The following GLIS3 variants were observed in gnomAD, a reference collection of about 807,000 sequenced individuals.
GLIS3 encodes the protein GLIS family zinc finger 3.
Under a neutral mutation model 78.6 loss-of-function variants are expected in GLIS3, and 53 were observed. The ratio of observed to expected loss-of-function variants is 0.67; its 90% CI spans 0.54 to 0.85. The LOEUF (loss-of-function observed/expected upper bound fraction) is 0.85, where lower values mean the gene tolerates loss of function less well. Among genes scored for constraint, GLIS3 ranks in the 40% least tolerant of loss-of-function variants. GLIS3 has a pLI of 0.00. For synonymous variants in GLIS3, 684 were observed against 509.9 expected (o/e 1.34, Z -4.60); for missense variants, 1,703 against 1,231.1 (o/e 1.38, Z -5.74).
intron 9 of GLIS3, among the ~76,000 whole-genome samples, chr9:3,849,115 G>A (rs1431482533): frequency 6.6e-6 from 1 of 152,178 alleles, no homozygotes; most frequent in Non-Finnish European, 1.5e-5. Flanking sequence ...CTCTGTGTTG[G>A]CAACTGGAAA....
At chr9:3,998,790 TAATAA>T (rs1563933526) in intron 4 of GLIS3, among the ~76,000 whole-genome samples, 2 of 148,590 alleles carry the variant, frequency 1.3e-5, no homozygotes, top group Non-Finnish European at 3.0e-5. Context: ...AATAATATTT[TAATAA>T]AATAATATTT....
the GLIS3 span, among the ~76,000 whole-genome samples, chr9:4,393,048 A>G: frequency 6.6e-6 from 1 of 152,182 alleles, no homozygotes; most frequent in Non-Finnish European, 1.5e-5. Context: ...AATGACTTGC[A>G]TAATGGTGTG....
chr9:3,973,550 C>T (rs749998687), intron 4 of GLIS3, among the ~76,000 whole-genome samples: 13 of 152,072 alleles, frequency 8.5e-5, no homozygotes, highest in Admixed American at 3.9e-4. Context: ...TCTCTTTGGG[C>T]GAAGTCAAGT....
At chr9:4,431,809 A>AAC in the GLIS3 span, among the ~76,000 whole-genome samples, 1 of 146,788 alleles carries the variant, frequency 6.8e-6, no homozygotes, top group Non-Finnish European at 1.5e-5. Flanking sequence ...GCACCATTGC[A>AAC]CTCCAGCCTG....
intron 2 of GLIS3, among the ~76,000 whole-genome samples, chr9:4,283,098 TAC>T (rs5896058): frequency 0.97 from 144,172 of 149,106 alleles, 69,717 homozygotes; most frequent in South Asian, 0.99. Flanking sequence ...CACAAACACA[TAC>T]ACACACACAC....
chr9:4,370,372 A>G, the GLIS3 span, among the ~76,000 whole-genome samples: 1 of 152,006 alleles, frequency 6.6e-6, no homozygotes, highest in Non-Finnish European at 1.5e-5. Context: ...CCTGAGAGCC[A>G]TGGGGTGTTG....
chr9:4,165,839 AG>A (rs1263438326), intron 2 of GLIS3, among the ~76,000 whole-genome samples: 1 of 152,252 alleles, frequency 6.6e-6, no homozygotes, highest in Non-Finnish European at 1.5e-5. Context: ...TCATGCATAC[AG>A]GGGATGAAGA....
the GLIS3 span, among the ~76,000 whole-genome samples, chr9:4,443,951 CA>C: frequency 1.1e-4 from 16 of 152,190 alleles, no homozygotes; most frequent in African/African-American, 3.6e-4. Context: ...CTGGTGTAGA[CA>C]GGTTATATCC....
Position 3,933,643 on chromosome 9 carries a change from G to A in GLIS3, c.1873-1173C>T, listed in dbSNP as rs192015896. On this transcript the variant is annotated intron_variant, in intron 5 of 10. Transcript: ENST00000381971. ...CTTGTATGATGTGAAATGTAAGGAA[G>A]AGACCTGAAACCATGTCTTGGGATT... Among the ~76,000 whole-genome samples the A allele has an allele frequency of 1.6e-4, 25 of 152,294 alleles. No homozygotes were observed. In the East Asian group the frequency reaches 2.7e-3, roughly 16 times the overall value.
chr9:4,230,929 A>G (rs1366284304), intron 2 of GLIS3, among the ~76,000 whole-genome samples: 1 of 152,188 alleles, frequency 6.6e-6, no homozygotes, highest in Non-Finnish European at 1.5e-5. Flanking sequence ...GTTTAGAGCC[A>G]GGTGCAGTGG....
chr9:4,073,691 C>T (rs541835165), intron 4 of GLIS3, among the ~76,000 whole-genome samples: 5 of 152,310 alleles, frequency 3.3e-5, no homozygotes, highest in East Asian at 1.9e-4. Flanking sequence ...ACCACCTACG[C>T]GGCAGTCGGA....
chr9:4,388,485 T>C, the GLIS3 span, among the ~76,000 whole-genome samples: 1 of 151,816 alleles, frequency 6.6e-6, no homozygotes, highest in Non-Finnish European at 1.5e-5. Flanking sequence ...GAGAGCATCC[T>C]GACCAATTGG....
intron 2 of GLIS3, among the ~76,000 whole-genome samples, chr9:4,263,006 A>G (rs998215004): frequency 6.6e-6 from 1 of 151,742 alleles, no homozygotes; most frequent in African/African-American, 2.4e-5. Context: ...GTGCCTTCAG[A>G]GAATAGTTTG....
intron 4 of GLIS3, among the ~76,000 whole-genome samples, chr9:4,037,547 AACACACACACACACACACACACAC>A (rs56254712): frequency 6.8e-6 from 1 of 147,380 alleles, no homozygotes; most frequent in African/African-American, 2.5e-5. Context: ...GTGTGCACAC[AACACACACACACACACACACACAC>A]ACACACACAC....
At chr9:3,995,753 G>A (rs890502173) in intron 4 of GLIS3, among the ~76,000 whole-genome samples, 6 of 152,066 alleles carry the variant, frequency 3.9e-5, no homozygotes, top group African/African-American at 7.2e-5. Context: ...AAATTAAGTG[G>A]AATGCAGCAA....
At chr9:4,237,625 C>G (rs770246248) in intron 2 of GLIS3, among the ~76,000 whole-genome samples, 2 of 152,124 alleles carry the variant, frequency 1.3e-5, no homozygotes, top group Admixed American at 1.3e-4. Context: ...CATTTTTACC[C>G]CAATTCCATA....
At chr9:4,482,741 T>C in the GLIS3 span, among the ~76,000 whole-genome samples, 1 of 152,222 alleles carries the variant, frequency 6.6e-6, no homozygotes, top group Non-Finnish European at 1.5e-5. Context: ...CAAAGTCTCC[T>C]TCCTTTAGTA....
intron 2 of GLIS3, among the ~76,000 whole-genome samples, chr9:4,187,297 G>A (rs1266958804): frequency 6.6e-6 from 1 of 152,186 alleles, no homozygotes; most frequent in African/African-American, 2.4e-5. Context: ...TCAAAGATCA[G>A]ATACTTGTAG....
chr9:4,343,405 TA>T (rs1272983296), intron 2 of GLIS3, among the ~76,000 whole-genome samples: 1 of 151,830 alleles, frequency 6.6e-6, no homozygotes, highest in African/African-American at 2.4e-5. Context: ...TTATAAAAGG[TA>T]AAAAAATAAC....
Sources: allele counts gnomAD v4.1 joint callset (sites outside exome capture counted in the v4.1 genomes callset), GRCh38; gene constraint gnomAD v4.1.1; transcripts MANE v1.5; gene names NCBI Gene and HGNC (gene_info 2026-07-23, HGNC 2026-07-21).